The following BRIP1 variants were observed in gnomAD, a reference collection of about 807,000 sequenced individuals.
The protein encoded by BRIP1 is BRCA1 interacting DNA helicase 1.
Under a neutral mutation model 119.7 loss-of-function variants are expected in BRIP1, and 88 were observed. The ratio of observed to expected loss-of-function variants is 0.74; its 90% confidence interval spans 0.62 to 0.88. The LOEUF (loss-of-function observed/expected upper bound fraction) is 0.88. Among genes scored for constraint, BRIP1 ranks in the 40% least tolerant of loss-of-function variants. BRIP1 has a pLI of 0.00. For synonymous variants in BRIP1, 443 were observed against 496.5 expected, an observed-to-expected ratio of 0.89 and a Z score of 1.43; for missense variants, 1,259 against 1,455.4, an observed-to-expected ratio of 0.87 and a Z score of 2.20.
rs1603360993 is a variant in BRIP1 at position 61,846,240 on chromosome 17, G to A, written c.627+861C>T. Among the ~76,000 whole-genome samples the A allele has an allele frequency of 8.1e-6, 1 of 123,798 alleles. No individual in the cohort carries two copies. Among genetic ancestry groups the A allele is most frequent in the Non-Finnish European group, 1.5e-5 (1 of 67,494 alleles). 81.2% of individuals were successfully genotyped at this position (123,798 alleles called of 152,430 possible). A position where few individuals can be genotyped will look rare whatever the true frequency, so the allele number is the denominator to read the frequency against. On this transcript the variant is annotated intron_variant, in intron 6 of 19. Coordinates refer to ENST00000259008, the MANE Select transcript of BRIP1 (RefSeq NM_032043.3). This position sits in a 1 kb window ranked among gnomAD's most constrained non-coding sequence, Gnocchi z 4.3. Reference sequence around the variant, plus strand: ...TTATATACATATAGAGAGAGAGAGAGAGAAAAAGAGAGAGAGAGAGAAAGA... The same window carrying A: ...TTATATACATATAGAGAGAGAGAGAAAGAAAAAGAGAGAGAGAGAGAAAGA...
Position 61,780,217 on chromosome 17 carries a change from G to A in BRIP1, c.1935+44C>T, listed in dbSNP as rs1313884016. ...AACTTGTTTACATAGTTATATTGAA[G>A]TAGAAACACTGAAGGCCTTCCAAAA... is the stretch of plus-strand genomic sequence containing the variant. On this transcript the variant is annotated intron_variant, in intron 13 of 19. Coordinates refer to ENST00000259008, the MANE Select transcript of BRIP1 (RefSeq NM_032043.3). The surrounding 1 kb of genome is among the most constrained non-coding windows in gnomAD (Gnocchi z 5.4). The A allele has an allele frequency of 1.1e-5, 18 of 1,569,832 alleles. No homozygotes were observed. The highest frequency in any genetic ancestry group is 1.7e-5 in the Admixed American group (1 of 59,382).
At chr17:61,777,532 T>C (rs1343835900) in intron 13 of BRIP1, among the ~76,000 whole-genome samples, 1 of 152,162 alleles carries the variant, frequency 6.6e-6, no homozygotes, top group African/African-American at 2.4e-5. Context: ...TTCTGACTGA[T>C]CAGCTAGAAA....
rs567379503 is a variant in BRIP1 at position 61,687,173 on chromosome 17, A to G, written c.2576-1008T>C. 2.6e-5 allele frequency among the ~76,000 whole-genome samples: 4 copies of G among 152,098 alleles called. No homozygotes were observed. Among genetic ancestry groups the G allele is most frequent in the Non-Finnish European group, 5.9e-5 (4 of 68,010 alleles). ...GAAGATTGCTTGAGGCCAGGAGTTC[A>G]AGGTTTCAGTGAACTATGATCACGT... On this transcript the variant is annotated intron_variant, in intron 18 of 19. Transcript: ENST00000259008. This position sits in a 1 kb window ranked among gnomAD's most constrained non-coding sequence, Gnocchi z 5.1.
chr17:61,787,223 T>G (rs2077736884), intron 10 of BRIP1, among the ~76,000 whole-genome samples: 1 of 66,982 alleles, frequency 1.5e-5, no homozygotes, highest in Non-Finnish European at 2.4e-5. Flanking sequence ...ATATATTATA[T>G]ACTATATAAA....
intron 17 of BRIP1, among the ~76,000 whole-genome samples, chr17:61,707,031 ATT>A (rs202244837): frequency 2.0e-5 from 3 of 148,722 alleles, no homozygotes; most frequent in Admixed American, 6.7e-5. Context: ...TCCTTTTTAA[ATT>A]TTTTTTTTTT....
rs1401773874 is a variant in BRIP1, at chr17:61,825,538, T to C, written c.628-16781A>G. Among the ~76,000 whole-genome samples, 1 of 151,690 alleles carries C rather than the reference T, an allele frequency of 6.6e-6. No homozygotes were observed. Among genetic ancestry groups the C allele is most frequent in the Non-Finnish European group, 1.5e-5 (1 of 67,980 alleles). On this transcript the variant is annotated intron_variant, in intron 6 of 19. Coordinates refer to ENST00000259008, the MANE Select transcript of BRIP1 (RefSeq NM_032043.3). The surrounding 1 kb of genome is among the most constrained non-coding windows in gnomAD (Gnocchi z 4.1). Reference sequence around the variant, plus strand: ...AACTTGTCAGGATACTAAATCAATATGCAAAATTTACTGACATTCCAATTC... The same window carrying C: ...AACTTGTCAGGATACTAAATCAATACGCAAAATTTACTGACATTCCAATTC...
rs1484608447 is a variant in BRIP1, at chr17:61,816,044, A to G, written c.628-7287T>C. Reference sequence around the variant, plus strand: ...CAAACAGTAGTAGTACCCTACTGCCACCGTTTCATGATTAGACTGCACAAA... The same window carrying G: ...CAAACAGTAGTAGTACCCTACTGCCGCCGTTTCATGATTAGACTGCACAAA... On this transcript the variant is annotated intron_variant, in intron 6 of 19. Transcript: ENST00000259008. The surrounding 1 kb of genome is among the most constrained non-coding windows in gnomAD (Gnocchi z 5.0). 6.6e-6 allele frequency among the ~76,000 whole-genome samples: 1 copy of G among 152,176 alleles called. No homozygotes were observed.
At chr17:61,835,336 A>T (rs2145650809) in intron 6 of BRIP1, among the ~76,000 whole-genome samples, 1 of 152,292 alleles carries the variant, frequency 6.6e-6, no homozygotes, top group Middle Eastern at 3.4e-3. Context: ...AAAGGACAAG[A>T]CAACTACTAG....
chr17:61,746,671 C>G lies in BRIP1; in HGVS notation c.2098-2080G>C, dbSNP rs1228197971. ...CTATAAATATACACACAACCAACAT[C>G]AGAGCACCCAAATATAGCAAGCAAA... On this transcript the variant is annotated intron_variant, in intron 14 of 19. Coordinates refer to ENST00000259008, the MANE Select transcript of BRIP1 (RefSeq NM_032043.3). This position sits in a 1 kb window ranked among gnomAD's most constrained non-coding sequence, Gnocchi z 4.9. Among the ~76,000 whole-genome samples the G allele has an allele frequency of 6.6e-6, 1 of 152,030 alleles. No individual in the cohort carries two copies. The highest frequency in any genetic ancestry group is 1.5e-5 in the Non-Finnish European group (1 of 67,984).
intron 14 of BRIP1, among the ~76,000 whole-genome samples, chr17:61,772,219 A>C (rs1486234259): frequency 7.4e-6 from 1 of 134,828 alleles, no homozygotes; most frequent in Non-Finnish European, 1.6e-5. Context: ...AAAATGAAAT[A>C]TTATTCTGCC....
Position 61,759,385 on chromosome 17 carries a change from A to ATACACATGCACCTAAC in BRIP1, c.2098-14810_2098-14795dup, listed in dbSNP as rs2077245051. ...CATCAAGAGGATATAACAATTGTAA[A>ATACACATGCACCTAAC]TACACATGCACCTAACATCAAAGTA... On this transcript the variant is annotated intron_variant, in intron 14 of 19. Coordinates refer to ENST00000259008, the MANE Select transcript of BRIP1 (RefSeq NM_032043.3). This position sits in a 1 kb window ranked among gnomAD's most constrained non-coding sequence, Gnocchi z 4.9. 6.6e-6 allele frequency among the ~76,000 whole-genome samples: 1 copy of ATACACATGCACCTAAC among 152,204 alleles called. No individual in the cohort carries two copies. Among genetic ancestry groups the ATACACATGCACCTAAC allele is most frequent in the Non-Finnish European group, 1.5e-5 (1 of 68,028 alleles).
rs901325972 is a variant in BRIP1, at chr17:61,803,144, C to G, written c.919-1670G>C. On this transcript the variant is annotated intron_variant, in intron 7 of 19. Transcript: ENST00000259008. This position sits in a 1 kb window ranked among gnomAD's most constrained non-coding sequence, Gnocchi z 4.3. ...GAGTCTCACTCTGTCACCTGGGGTG[C>G]AGTGGCACGATCCAATCTTGGTTCA... 6.6e-6 allele frequency among the ~76,000 whole-genome samples: 1 copy of G among 151,092 alleles called. No homozygotes were observed. The highest frequency in any genetic ancestry group is 6.6e-5 in the Admixed American group (1 of 15,192).
At chr17:61,783,274 C>A (rs1424452718) in intron 11 of BRIP1, among the ~76,000 whole-genome samples, 1 of 152,030 alleles carries the variant, frequency 6.6e-6, no homozygotes, top group Non-Finnish European at 1.5e-5. Flanking sequence ...AAACACTGTG[C>A]CAAATGAATT....
chr17:61,681,924 C>A lies in BRIP1; in HGVS notation c.*1372G>T, dbSNP rs2061275155. Reference sequence around the variant, plus strand: ...TAGACCATACAGAATTCTTGGATAGCTCATAAAATTTCAATTCAAATTACT... The same window carrying A: ...TAGACCATACAGAATTCTTGGATAGATCATAAAATTTCAATTCAAATTACT... On this transcript the variant is annotated 3_prime_UTR_variant, in exon 20 of 20. Transcript: ENST00000259008. This position sits in a 1 kb window ranked among gnomAD's most constrained non-coding sequence, Gnocchi z 5.1. 5.0e-6 allele frequency: 1 copy of A among 199,330 alleles called. No individual in the cohort carries two copies. Among genetic ancestry groups the A allele is most frequent in the African/African-American group, 2.3e-5 (1 of 43,492 alleles). 12.3% of individuals were successfully genotyped at this position (199,330 alleles called of 1,614,324 possible). A position where few individuals can be genotyped will look rare whatever the true frequency, so the allele number is the denominator to read the frequency against.
chr17:61,843,413 G>C lies in BRIP1; in HGVS notation c.627+3688C>G, dbSNP rs531366231. Among the ~76,000 whole-genome samples, 1 of 152,238 alleles carries C rather than the reference G, an allele frequency of 6.6e-6. No individual in the cohort carries two copies. Among genetic ancestry groups the C allele is most frequent in the South Asian group, 2.1e-4 (1 of 4,828 alleles). On this transcript the variant is annotated intron_variant, in intron 6 of 19. Coordinates refer to ENST00000259008, the MANE Select transcript of BRIP1 (RefSeq NM_032043.3). The surrounding 1 kb of genome is among the most constrained non-coding windows in gnomAD (Gnocchi z 5.7). ...ACAAAAGGTAACTATGTAAGGAGAT[G>C]AATATATTAATTAGCTTGTGATATG...
rs1603301024 is a variant in BRIP1, at chr17:61,735,576, C to T, written c.2379+7437G>A. 6.6e-6 allele frequency among the ~76,000 whole-genome samples: 1 copy of T among 150,488 alleles called. No individual in the cohort carries two copies. ...GGCTGACGCGGGTGGATTACTTGAG[C>T]TCAGGAGTTCGAGACCAGCCTGGGC... On this transcript the variant is annotated intron_variant, in intron 16 of 19. Transcript: ENST00000259008. This position sits in a 1 kb window ranked among gnomAD's most constrained non-coding sequence, Gnocchi z 4.4.
chr17:61,690,429 G>A lies in BRIP1; in HGVS notation c.2575+3001C>T, dbSNP rs1039208160. On this transcript the variant is annotated intron_variant, in intron 18 of 19. Coordinates refer to ENST00000259008, the MANE Select transcript of BRIP1 (RefSeq NM_032043.3). This position sits in a 1 kb window ranked among gnomAD's most constrained non-coding sequence, Gnocchi z 5.6. ...TAATTTGTGACTTTAATAATAAAAT[G>A]TGATGGGAAAAGTAAAAGTGTAGAG... is the stretch of plus-strand genomic sequence containing the variant. 1.3e-5 allele frequency among the ~76,000 whole-genome samples: 2 copies of A among 152,180 alleles called. No homozygotes were observed. Among genetic ancestry groups the A allele is most frequent in the African/African-American group, 2.4e-5 (1 of 41,450 alleles).
At chr17:61,811,762 G>A (rs1051332050) in intron 6 of BRIP1, among the ~76,000 whole-genome samples, 3 of 151,284 alleles carry the variant, frequency 2.0e-5, no homozygotes, top group Admixed American at 6.6e-5. Context: ...GACTAGCCTG[G>A]CCAACATGGT....
Position 61,705,521 on chromosome 17 carries a change from C to G in BRIP1, c.2492+10430G>C, listed in dbSNP as rs2144295093. Among the ~76,000 whole-genome samples, 1 of 152,210 alleles carries G rather than the reference C, an allele frequency of 6.6e-6. No individual in the cohort carries two copies. Among genetic ancestry groups the G allele is most frequent in the African/African-American group, 2.4e-5 (1 of 41,548 alleles). ...AGTTCAAGCAGCTTAATTTTCATTT[C>G]ACTGATTTCATTATTTTTGTTACAA... On this transcript the variant is annotated intron_variant, in intron 17 of 19. Coordinates refer to ENST00000259008, the MANE Select transcript of BRIP1 (RefSeq NM_032043.3). This position sits in a 1 kb window ranked among gnomAD's most constrained non-coding sequence, Gnocchi z 5.0.
Sources: allele counts gnomAD v4.1 joint callset (sites outside exome capture counted in the v4.1 genomes callset), GRCh38; gene constraint gnomAD v4.1.1; non-coding constraint Gnocchi (gnomAD v3.1); transcripts MANE v1.5; gene names NCBI Gene and HGNC (gene_info 2026-07-23, HGNC 2026-07-21).